The following SLCO4A1 variants were observed in gnomAD, a reference collection of about 807,000 sequenced individuals.
The protein encoded by SLCO4A1 is solute carrier organic anion transporter family member 4A1.
SLCO4A1 carries 51 observed loss-of-function variants against 64.6 expected under a neutral mutation model. The observed-to-expected ratio is 0.79, with a 90% CI of 0.63 to 1.00. The LOEUF (loss-of-function observed/expected upper bound fraction) is 1.00. Ranked by LOEUF, SLCO4A1 falls within the 50% of genes least tolerant of loss-of-function variation. SLCO4A1 has a pLI of 0.00. For missense variants in SLCO4A1, 919 were observed against 980.5 expected (o/e 0.94, Z 0.84); for synonymous variants, 471 against 444.9 (o/e 1.06, Z -0.74).
At position 62,661,626 on chromosome 20, in the gene SLCO4A1, C is replaced by T. The variant is rs59637283; in HGVS notation, c.1121+451C>T. Among the ~76,000 whole-genome samples the T allele has an allele frequency of 4.0e-5, 6 of 151,254 alleles. No homozygotes were observed. Among genetic ancestry groups the T allele is most frequent in the African/African-American group, 1.2e-4 (5 of 41,188 alleles). On this transcript the variant is annotated intron_variant, in intron 5 of 11. Coordinates refer to ENST00000217159, the MANE Select transcript of SLCO4A1 (RefSeq NM_016354.4). The surrounding 1 kb of genome is among the most constrained non-coding windows in gnomAD (Gnocchi z 5.2). ...CTAATTCCCTTTCATCAGGTGTCAC[C>T]TGTGCCGTACCCCCCGGGCCCTGGG...
chr20:62,646,068 C>A (rs1253200313), intron 1 of SLCO4A1, among the ~76,000 whole-genome samples: 1 of 152,170 alleles, frequency 6.6e-6, no homozygotes, highest in Admixed American at 6.5e-5. Flanking sequence ...CAGGCAGGTT[C>A]CTCATCTGGA....
intron 7 of SLCO4A1, 84 bp from the exon 8 acceptor site, chr20:62,667,661 G>T: frequency 6.8e-7 from 1 of 1,473,384 alleles, no homozygotes; most frequent in South Asian, 1.3e-5. Context: ...GCATGGGGAC[G>T]AGCCCCATGG....
chr20:62,677,050 C>T (rs932272434), downstream of SLCO4A1, among the ~76,000 whole-genome samples: 8 of 152,188 alleles, frequency 5.3e-5, no homozygotes, highest in African/African-American at 1.4e-4. Flanking sequence ...CAAAAGGCCA[C>T]GTGTTTTGTG....
At chr20:62,674,070 T>C (rs13044080), downstream of SLCO4A1, among the ~76,000 whole-genome samples, 37,791 of 152,036 alleles carry the variant, frequency 0.25, 5,394 homozygotes, top group East Asian at 0.57. Flanking sequence ...GGGTGGAAGG[T>C]GCCAGCCATC....
Position 62,644,813 on chromosome 20 carries a change from C to T in SLCO4A1, c.-97+2260C>T, listed in dbSNP as rs1330763301. Among the ~76,000 whole-genome samples the T allele has an allele frequency of 4.6e-5, 7 of 152,214 alleles. No homozygotes were observed. Among genetic ancestry groups the T allele is most frequent in the Admixed American group, 2.6e-4 (4 of 15,288 alleles). On this transcript the variant is annotated intron_variant, in intron 1 of 11. Transcript: ENST00000217159. This position sits in a 1 kb window ranked among gnomAD's most constrained non-coding sequence, Gnocchi z 5.4. ...CTGGAACGTGTTGGGTCCTGGTGCT[C>T]TCCCCAGCAGATGGTTGTAGGTGGT...
rs761578805 is a variant in SLCO4A1 at position 62,667,999 on chromosome 20, T to C, written c.1639-13T>C. 8 of 1,613,958 alleles carry C rather than the reference T, an allele frequency of 5.0e-6. No homozygotes were observed. The Admixed American group carries it at 1.2e-4, about 24-fold the overall frequency. ...CTTCCCCTTGTAATCGGAGCTATTGTTGGGCTTCCCAGGTGTACCGAGACT... is the reference window on the plus strand; with the variant it reads ...CTTCCCCTTGTAATCGGAGCTATTGCTGGGCTTCCCAGGTGTACCGAGACT... On this transcript the variant is annotated splice_polypyrimidine_tract_variant and intron_variant, in intron 8 of 11. Coordinates refer to ENST00000217159, the MANE Select transcript of SLCO4A1 (RefSeq NM_016354.4).
In SLCO4A1 at chr20:62,685,436, T is replaced by C; in HGVS notation, n.212-5T>C. The C allele has an allele frequency of 1.0e-6, 1 of 985,194 alleles. No homozygotes were observed. The highest frequency in any genetic ancestry group is 1.1e-4 in the East Asian group (1 of 8,824). 61.0% of individuals were successfully genotyped at this position (985,194 alleles called of 1,614,324 possible). A position where few individuals can be genotyped will look rare whatever the true frequency, so the allele number is the denominator to read the frequency against. On this transcript the variant is annotated splice_region_variant and splice_polypyrimidine_tract_variant and intron_variant and non_coding_transcript_variant, in intron 2 of 2. Coordinates refer to the SLCO4A1 transcript ENST00000466818. This position sits in a 1 kb window ranked among gnomAD's most constrained non-coding sequence, Gnocchi z 4.6. ...TCTTGCTTTGTTTGTTGTTTTTTTC[T>C]TAAGGAAGAAGAGAATGAATTTAGA...
At chr20:62,642,818 G>T (rs1022186612) in intron 1 of SLCO4A1, among the ~76,000 whole-genome samples, 1 of 152,220 alleles carries the variant, frequency 6.6e-6, no homozygotes, top group African/African-American at 2.4e-5. Flanking sequence ...GAGGACCGAG[G>T]CGAAGGGGCC....
At chr20:62,682,333 G>A (rs1335505208) in intron 2 of SLCO4A1, among the ~76,000 whole-genome samples, 1 of 152,230 alleles carries the variant, frequency 6.6e-6, no homozygotes. Context: ...CCATAGGGGA[G>A]CCAGGGCAGA....
chr20:62,654,277 C>T (rs2147072422), intron 1 of SLCO4A1, among the ~76,000 whole-genome samples: 1 of 152,346 alleles, frequency 6.6e-6, no homozygotes, highest in Middle Eastern at 3.4e-3. Flanking sequence ...CACCCTAATC[C>T]AGGATGATCT....
chr20:62,661,142 C>A lies in SLCO4A1; in HGVS notation c.1088C>A (p.Pro363Gln). The A allele has an allele frequency of 6.2e-7, 1 of 1,612,822 alleles. No homozygotes were observed. The highest frequency in any genetic ancestry group is 8.5e-7 in the Non-Finnish European group (1 of 1,179,592). Residue 363 changes from proline (P) to glutamine (Q), a missense_variant, in exon 5 of 12, where the codon CCG becomes CAG. Pro to Gln is a moderately conservative substitution (Grantham distance 76). Coordinates refer to ENST00000217159, the MANE Select transcript of SLCO4A1 (RefSeq NM_016354.4). This position sits in a 1 kb window ranked among gnomAD's most constrained non-coding sequence, Gnocchi z 5.2. ...KDSSRGEASN[P>Q]DFGKTIRDLP... ...AGCAGCCGTGGGGAGGCGAGCAACCCGGACTTTGGGAAAACCATCAGAGAC... is the reference window on the plus strand; with the variant it reads ...AGCAGCCGTGGGGAGGCGAGCAACCAGGACTTTGGGAAAACCATCAGAGAC...
chr20:62,678,111 G>A (rs750165043), intron 2 of SLCO4A1, among the ~76,000 whole-genome samples: 4 of 152,240 alleles, frequency 2.6e-5, no homozygotes, highest in Non-Finnish European at 5.9e-5. Flanking sequence ...AGTAGGTTAT[G>A]CAGCGCTGTG....
chr20:62,686,865 C>T (rs1988074924), downstream of SLCO4A1, among the ~76,000 whole-genome samples: 1 of 151,838 alleles, frequency 6.6e-6, no homozygotes, highest in Admixed American at 6.6e-5. Flanking sequence ...GGTAGGGCAC[C>T]CCCAAACAGG....
chr20:62,672,668 T>A (rs1462413461), downstream of SLCO4A1: 1 of 152,294 alleles, frequency 6.6e-6, no homozygotes, highest in Non-Finnish European at 1.5e-5. Flanking sequence ...ATCAACTGCC[T>A]TGCGTCCCCC....
At chr20:62,681,516 A>T (rs199816629) in intron 2 of SLCO4A1, among the ~76,000 whole-genome samples, 4 of 60,440 alleles carry the variant, frequency 6.6e-5, no homozygotes, top group South Asian at 6.5e-4. Context: ...GCGCGTGTTT[A>T]TTAAGCCGTG....
Position 62,644,310 on chromosome 20 carries a change from G to A in SLCO4A1, c.-97+1757G>A, listed in dbSNP as rs1173356725. On this transcript the variant is annotated intron_variant, in intron 1 of 11. Coordinates refer to ENST00000217159, the MANE Select transcript of SLCO4A1 (RefSeq NM_016354.4). The surrounding 1 kb of genome is among the most constrained non-coding windows in gnomAD (Gnocchi z 5.4). ...CAGGCTGTGTCCTGCCTTCCTGCTG[G>A]GCAAGGTCAGCAGGTGGTGCCTGGA... is the stretch of plus-strand genomic sequence containing the variant. 2.0e-5 allele frequency among the ~76,000 whole-genome samples: 3 copies of A among 152,234 alleles called. No homozygotes were observed. In the East Asian group the frequency reaches 5.8e-4, roughly 29 times the overall value.
At chr20:62,653,361 C>T (rs1394755505) in intron 1 of SLCO4A1, among the ~76,000 whole-genome samples, 1 of 152,218 alleles carries the variant, frequency 6.6e-6, no homozygotes, top group Admixed American at 6.5e-5. Context: ...TTGCCTGGAC[C>T]TGGGGGAGAT....
At position 62,665,259 on chromosome 20, in the gene SLCO4A1, C is replaced by T. The variant is rs1985897115; in HGVS notation, c.1276+171C>T. ...CGCCACGGGGGCTGAGCGACTCTGT[C>T]CACAGGCCGGGAGAGTGGTGGTCCT... On this transcript the variant is annotated intron_variant, in intron 6 of 11. Transcript: ENST00000217159. 3 of 674,016 alleles carry T rather than the reference C, an allele frequency of 4.5e-6. No individual in the cohort carries two copies. The South Asian group carries it at 6.0e-5, about 13-fold the overall frequency. 41.8% of individuals were successfully genotyped at this position (674,016 alleles called of 1,614,324 possible).
downstream of SLCO4A1, among the ~76,000 whole-genome samples, chr20:62,673,121 T>C (rs1004716505): frequency 7.0e-6 from 1 of 142,142 alleles, no homozygotes; most frequent in Non-Finnish European, 1.6e-5. Context: ...CCAGGACGCT[T>C]GTGTGGAGCT....
Sources: allele counts gnomAD v4.1 joint callset (sites outside exome capture counted in the v4.1 genomes callset), GRCh38; gene constraint gnomAD v4.1.1; non-coding constraint Gnocchi (gnomAD v3.1); transcripts MANE v1.5; gene names NCBI Gene and HGNC (gene_info 2026-07-23, HGNC 2026-07-21).